GREB1L: variants seen among roughly 807,000 people sequenced by gnomAD.
The protein encoded by GREB1L is GREB1 like retinoic acid receptor coactivator.
In GREB1L, 17 loss-of-function variants were observed where a neutral mutation model predicts 200.8. That is an observed-to-expected ratio of 0.08 (90% CI 0.06 to 0.13). The LOEUF (loss-of-function observed/expected upper bound fraction) is 0.13. GREB1L is among the 10% of genes least tolerant of loss of function. GREB1L has a pLI of 1.00. For missense variants in GREB1L, 1,657 were observed against 2,367.7 expected (o/e 0.70, Z 6.23); for synonymous variants, 789 against 893.0 (o/e 0.88, Z 2.08).
At chr18:21,268,550 CACACACACACATATATATATATAT>C (rs1567914709) in intron 1 of GREB1L, among the ~76,000 whole-genome samples, 3 of 99,186 alleles carry the variant, frequency 3.0e-5, no homozygotes, top group African/African-American at 1.6e-4. Context: ...CACACACACA[CACACACACACATATATATATATAT>C]ATATATATAT....
intron 27 of GREB1L, among the ~76,000 whole-genome samples, chr18:21,511,787 T>C (rs2037247856): frequency 6.6e-6 from 1 of 152,168 alleles, no homozygotes; most frequent in Admixed American, 6.5e-5. Context: ...GCTAGGACTA[T>C]AGGCGTATGC....
intron 15 of GREB1L, among the ~76,000 whole-genome samples, chr18:21,466,723 G>C (rs1221339428): frequency 6.6e-6 from 1 of 152,076 alleles, no homozygotes; most frequent in Admixed American, 6.5e-5. Flanking sequence ...CAAAATCCCA[G>C]CTGGCTTCTT....
intron 1 of GREB1L, among the ~76,000 whole-genome samples, chr18:21,317,976 C>T (rs927119058): frequency 3.9e-5 from 6 of 152,062 alleles, no homozygotes; most frequent in African/African-American, 1.4e-4. Context: ...GGTATGGTGG[C>T]ATGTGCCTGT....
chr18:21,462,201 G>C (rs1341881845), intron 15 of GREB1L, among the ~76,000 whole-genome samples: 1 of 152,218 alleles, frequency 6.6e-6, no homozygotes, highest in Admixed American at 6.5e-5. Context: ...ATGTTTTATT[G>C]TGGAGTTGGA....
At chr18:21,461,300 T>G (rs181964247) in intron 15 of GREB1L, among the ~76,000 whole-genome samples, 1 of 152,132 alleles carries the variant, frequency 6.6e-6, no homozygotes. Context: ...TCTCTCTCAT[T>G]GCTTCAACTT....
chr18:21,428,332 C>CTTTTTTTT (rs59982674), intron 7 of GREB1L, among the ~76,000 whole-genome samples: 983 of 54,094 alleles, frequency 0.018, 4 homozygotes, highest in Non-Finnish European at 0.026. Flanking sequence ...GTCTTTTTGT[C>CTTTTTTTT]TTTTTTTTTT....
chr18:21,396,046 T>A (rs2041049779), intron 5 of GREB1L, among the ~76,000 whole-genome samples: 2 of 150,930 alleles, frequency 1.3e-5, no homozygotes, highest in South Asian at 4.2e-4. Flanking sequence ...CTTTCTTTTT[T>A]TTTTTTCTTT....
intron 1 of GREB1L, among the ~76,000 whole-genome samples, chr18:21,363,273 T>TCC (rs2039606295): frequency 2.1e-4 from 1 of 4,764 alleles, no homozygotes; most frequent in Admixed American, 2.1e-3. Flanking sequence ...CTGCCCCCAC[T>TCC]CCGCCTCCCC....
intron 1 of GREB1L, among the ~76,000 whole-genome samples, chr18:21,256,411 G>C (rs1236015721): frequency 6.6e-6 from 1 of 152,170 alleles, no homozygotes; most frequent in Non-Finnish European, 1.5e-5. Flanking sequence ...AGGTGGAATA[G>C]TAATAGGGTA....
intron 1 of GREB1L, among the ~76,000 whole-genome samples, chr18:21,354,556 T>C (rs995586471): frequency 6.6e-6 from 1 of 152,178 alleles, no homozygotes; most frequent in African/African-American, 2.4e-5. Context: ...TAGAATATAA[T>C]AGGGAAGATA....
intron 1 of GREB1L, among the ~76,000 whole-genome samples, chr18:21,300,573 A>G (rs1032391692): frequency 4.6e-5 from 7 of 152,174 alleles, no homozygotes; most frequent in Non-Finnish European, 1.0e-4. Flanking sequence ...ATCTTTGCAG[A>G]GATGCTTTGA....
chr18:21,481,874 C>T (rs1165269826), intron 17 of GREB1L, among the ~76,000 whole-genome samples: 13 of 152,170 alleles, frequency 8.5e-5, no homozygotes, highest in Non-Finnish European at 1.9e-4. Context: ...ATTCATGTAT[C>T]CATCCTATTT....
At chr18:21,488,926 G>A (rs1015366564) in intron 18 of GREB1L, among the ~76,000 whole-genome samples, 10 of 152,032 alleles carry the variant, frequency 6.6e-5, no homozygotes, top group Non-Finnish European at 1.0e-4. Context: ...CAAAGTGCTG[G>A]GATTATAGGC....
chr18:21,522,634 A>G (rs1283742040), intron 32 of GREB1L, 24 bp from the exon 33 acceptor site: 4 of 1,534,412 alleles, frequency 2.6e-6, no homozygotes, highest in South Asian at 1.2e-5. Context: ...AGCCTAGGAC[A>G]TATTTCTGTC....
Position 21,312,585 on chromosome 18 carries a change from C to T in GREB1L, c.-119-53442C>T, listed in dbSNP as rs143582488. On this transcript the variant is annotated intron_variant, in intron 1 of 32. Coordinates refer to ENST00000424526, the MANE Select transcript of GREB1L (RefSeq NM_001142966.3). ...TTATTTATTTTTTGAGACAAAGTCT[C>T]GCCCTGTCGCCAGGCTGGAGTGCAG... Among the ~76,000 whole-genome samples the T allele has an allele frequency of 8.2e-3, 1,250 of 151,800 alleles. 21 individuals carry two copies. Among genetic ancestry groups the T allele is most frequent in the African/African-American group, 0.027 (1,135 of 41,326 alleles).
intron 1 of GREB1L, among the ~76,000 whole-genome samples, chr18:21,312,534 T>TTTTA (rs551473535): frequency 0.05 from 7,564 of 150,528 alleles, 413 homozygotes; most frequent in African/African-American, 0.13. Flanking sequence ...TTATTCTTTA[T>TTTTA]TTTATTTATT....
intron 1 of GREB1L, among the ~76,000 whole-genome samples, chr18:21,276,765 A>G (rs1422898293): frequency 1.3e-5 from 2 of 152,084 alleles, no homozygotes; most frequent in Non-Finnish European, 2.9e-5. Flanking sequence ...AAAGGAAGAA[A>G]GGGAAGAAGG....
chr18:21,266,111 C>T (rs1436022527), intron 1 of GREB1L, among the ~76,000 whole-genome samples: 3 of 152,152 alleles, frequency 2.0e-5, no homozygotes, highest in Admixed American at 2.0e-4. Flanking sequence ...CTATTAAATC[C>T]TATATGTCTC....
intron 28 of GREB1L, among the ~76,000 whole-genome samples, chr18:21,514,507 T>C (rs537748321): frequency 1.2e-3 from 176 of 152,354 alleles, no homozygotes; most frequent in African/African-American, 4.1e-3. Flanking sequence ...AGAGCGAGAC[T>C]CTGTCTCAAA....
Sources: allele counts gnomAD v4.1 joint callset (sites outside exome capture counted in the v4.1 genomes callset), GRCh38; gene constraint gnomAD v4.1.1; transcripts MANE v1.5; gene names NCBI Gene and HGNC (gene_info 2026-07-23, HGNC 2026-07-21).